BICRAL: variants seen among roughly 807,000 people sequenced by gnomAD.
BICRAL encodes the protein BRD4-interacting chromatin-remodeling complex-associated protein-like.
In BICRAL, 8 loss-of-function variants were observed where a neutral mutation model predicts 91.8. The observed-to-expected ratio is 0.09, with a 90% CI of 0.05 to 0.16. The LOEUF (loss-of-function observed/expected upper bound fraction) is 0.16. BICRAL is among the 10% of genes least tolerant of loss of function. The pLI is 1.00. For missense variants in BICRAL, 1,038 were observed against 1,310.9 expected, an observed-to-expected ratio of 0.79 and a Z score of 3.21; for synonymous variants, 445 against 491.1, an observed-to-expected ratio of 0.91 and a Z score of 1.24.
At chr6:42,755,194 G>A (rs1478203255) in intron 1 of BICRAL, among the ~76,000 whole-genome samples, 1 of 152,160 alleles carries the variant, frequency 6.6e-6, no homozygotes, top group African/African-American at 2.4e-5. Flanking sequence ...GGTATGGTGT[G>A]GATGTTGAGC....
chr6:42,793,385 C>T (rs1344602036), intron 1 of BICRAL, among the ~76,000 whole-genome samples: 1 of 139,494 alleles, frequency 7.2e-6, no homozygotes, highest in African/African-American at 2.7e-5. Flanking sequence ...ATCTCCTGAC[C>T]TCATGATCCA....
At chr6:42,793,849 G>A (rs1479346670) in intron 1 of BICRAL, among the ~76,000 whole-genome samples, 2 of 146,310 alleles carry the variant, frequency 1.4e-5, no homozygotes, top group South Asian at 2.2e-4. Context: ...GCTCACTGAA[G>A]CTTCACTAGT....
intron 6 of BICRAL, among the ~76,000 whole-genome samples, chr6:42,837,229 A>G: frequency 6.6e-6 from 1 of 151,840 alleles, no homozygotes; most frequent in East Asian, 1.9e-4. Flanking sequence ...TTACAGGTGT[A>G]AGCCACTGCA....
At chr6:42,750,164 C>CT (rs912248154) in intron 1 of BICRAL, among the ~76,000 whole-genome samples, 47 of 150,486 alleles carry the variant, frequency 3.1e-4, no homozygotes, top group African/African-American at 9.0e-4. Context: ...TGCCTGGGCC[C>CT]TTTTTTTTTA....
rs181431041 is a variant in BICRAL at position 42,849,286 on chromosome 6, G to A, written c.1840-2806G>A. On this transcript the variant is annotated intron_variant, in intron 6 of 12. Coordinates refer to ENST00000314073, the MANE Select transcript of BICRAL (RefSeq NM_001393499.1). ...AATTTTGTAGAGATGAGGTCTCCCT[G>A]TGTTGCCCAGACTGATCTCAATTTC... Among the ~76,000 whole-genome samples, 13 of 152,132 alleles carry A rather than the reference G, an allele frequency of 8.5e-5. No homozygotes were observed. In the South Asian group the frequency reaches 1.9e-3, roughly 22 times the overall value.
At position 42,845,195 on chromosome 6, in the gene BICRAL, G is replaced by GGTTTTTTTTTTTTTTTTTTTTTTTT. The variant is rs1562490931; in HGVS notation, c.1840-6897_1840-6896insGTTTTTTTTTTTTTTTTTTTTTTTT. 1.2e-4 allele frequency among the ~76,000 whole-genome samples: 3 copies of GGTTTTTTTTTTTTTTTTTTTTTTTT among 25,568 alleles called. 1 individual carries two copies. 16.8% of individuals were successfully genotyped at this position (25,568 alleles called of 152,430 possible). ...CTTCTCTGTTTTTTGTTTTTTGGGT[G>GGTTTTTTTTTTTTTTTTTTTTTTTT]TTTTTTTTTTTTTTTTTTTTTTTTT... On this transcript the variant is annotated intron_variant, in intron 6 of 12. Transcript: ENST00000314073.
intron 5 of BICRAL, among the ~76,000 whole-genome samples, chr6:42,827,087 A>C (rs534805656): frequency 6.6e-6 from 1 of 152,142 alleles, no homozygotes. Flanking sequence ...GCGCCTGGCC[A>C]ATTTCCTCAT....
At chr6:42,803,898 T>C (rs1341228626) in intron 1 of BICRAL, among the ~76,000 whole-genome samples, 1 of 152,234 alleles carries the variant, frequency 6.6e-6, no homozygotes, top group East Asian at 1.9e-4. Context: ...CTGTGCAGCA[T>C]GTTACTATAC....
intron 6 of BICRAL, among the ~76,000 whole-genome samples, chr6:42,835,060 C>T (rs1043194457): frequency 6.6e-6 from 1 of 152,094 alleles, no homozygotes; most frequent in African/African-American, 2.4e-5. Context: ...TCCATGACTA[C>T]AGAATTCATC....
intron 8 of BICRAL, among the ~76,000 whole-genome samples, chr6:42,855,194 G>C (rs1765311833): frequency 6.6e-6 from 1 of 152,196 alleles, no homozygotes; most frequent in Non-Finnish European, 1.5e-5. Flanking sequence ...CTTACACTGA[G>C]AAGATGGATT....
intron 1 of BICRAL, among the ~76,000 whole-genome samples, chr6:42,786,120 G>GAAATCA (rs1562460602): frequency 6.6e-6 from 1 of 152,210 alleles, no homozygotes; most frequent in African/African-American, 2.4e-5. Flanking sequence ...AGTCAGTGAT[G>GAAATCA]AAATCATTAA....
chr6:42,790,646 A>G (rs188668259), intron 1 of BICRAL, among the ~76,000 whole-genome samples: 29 of 152,166 alleles, frequency 1.9e-4, no homozygotes, highest in Admixed American at 7.9e-4. Flanking sequence ...ATTAGAGAAA[A>G]TAAGAATGGA....
chr6:42,849,879 T>G (rs563919332), intron 6 of BICRAL, among the ~76,000 whole-genome samples: 2 of 151,686 alleles, frequency 1.3e-5, no homozygotes, highest in Non-Finnish European at 2.9e-5. Flanking sequence ...TGGTTAAATC[T>G]CATCTCTACC....
rs567715407 is a variant in BICRAL, at chr6:42,815,076, AT to A, written c.-6+4683del. Among the ~76,000 whole-genome samples the A allele has an allele frequency of 2.1e-3, 308 of 144,292 alleles. 2 individuals carry two copies. The highest frequency in any genetic ancestry group is 6.0e-3 in the African/African-American group (230 of 38,626). The allele number at this position is 144,292 out of a possible 152,430, so 94.7% of individuals were successfully genotyped here. A position where few individuals can be genotyped will look rare whatever the true frequency, so the allele number is the denominator to read the frequency against. Reference sequence around the variant, plus strand: ...AGGCACGCACCACCACGCCTGGCTCATTTTTTTTGTATTTTTAGCAGAGACA... The same window carrying A: ...AGGCACGCACCACCACGCCTGGCTCATTTTTTTGTATTTTTAGCAGAGACA... On this transcript the variant is annotated intron_variant, in intron 2 of 12. Transcript: ENST00000314073.
chr6:42,861,076 A>G (rs1765542491), intron 11 of BICRAL, among the ~76,000 whole-genome samples: 1 of 152,196 alleles, frequency 6.6e-6, no homozygotes, highest in South Asian at 2.1e-4. Context: ...CAGTTAGCCA[A>G]GATCATGCCA....
intron 1 of BICRAL, among the ~76,000 whole-genome samples, chr6:42,765,117 G>A (rs1762612995): frequency 6.6e-6 from 1 of 152,186 alleles, no homozygotes; most frequent in Non-Finnish European, 1.5e-5. Context: ...GCCAACTCCT[G>A]TGAAATGTCT....
intron 6 of BICRAL, among the ~76,000 whole-genome samples, chr6:42,850,175 C>T (rs1765134269): frequency 6.6e-6 from 1 of 152,138 alleles, no homozygotes; most frequent in African/African-American, 2.4e-5. Flanking sequence ...GTTAAGTCCA[C>T]TGTGCAGATG....
chr6:42,786,725 T>G (rs1420853244), intron 1 of BICRAL, among the ~76,000 whole-genome samples: 1 of 152,220 alleles, frequency 6.6e-6, no homozygotes, highest in Non-Finnish European at 1.5e-5. Flanking sequence ...ATAGAGGTGA[T>G]ATTTGAGCTG....
chr6:42,817,757 G>A (rs567566620), intron 2 of BICRAL, among the ~76,000 whole-genome samples: 47 of 151,946 alleles, frequency 3.1e-4, no homozygotes, highest in Non-Finnish European at 5.9e-4. Context: ...GGGTTTTGCC[G>A]TCCTTTGTTA....
Sources: allele counts gnomAD v4.1 joint callset (sites outside exome capture counted in the v4.1 genomes callset), GRCh38; gene constraint gnomAD v4.1.1; transcripts MANE v1.5; gene names NCBI Gene and HGNC (gene_info 2026-07-23, HGNC 2026-07-21).